Variants in CACNG2 observed in about 807,000 individuals in gnomAD.
CACNG2 encodes the protein voltage-dependent calcium channel gamma-2 subunit.
CACNG2 carries 3 observed loss-of-function variants against 25.9 expected under a neutral mutation model. That is an observed-to-expected ratio of 0.12 (90% CI 0.05 to 0.30). The LOEUF is 0.30. CACNG2 is among the 10% of genes least tolerant of loss of function. The pLI is 1.00. For synonymous variants in CACNG2, 167 were observed against 173.3 expected, an observed-to-expected ratio of 0.96 and a Z score of 0.29; for missense variants, 341 against 432.5, an observed-to-expected ratio of 0.79 and a Z score of 1.88.
rs1305952182 is a variant in CACNG2, at chr22:36,606,560, C to A, written c.212-19012G>T. On this transcript the variant is annotated intron_variant, in intron 1 of 3. Coordinates refer to ENST00000300105, the MANE Select transcript of CACNG2 (RefSeq NM_006078.5). The surrounding 1 kb of genome is among the most constrained non-coding windows in gnomAD (Gnocchi z 5.7). ...GACAGTGCATGGCATAATCTGGGTA[C>A]TGGCAGGTTGTCAGGAAGGCTTCCT... 6.6e-6 allele frequency among the ~76,000 whole-genome samples: 1 copy of A among 151,644 alleles called. No homozygotes were observed. The highest frequency in any genetic ancestry group is 1.5e-5 in the Non-Finnish European group (1 of 67,964).
At chr22:36,667,103 C>T (rs1936885786) in intron 1 of CACNG2, among the ~76,000 whole-genome samples, 1 of 151,982 alleles carries the variant, frequency 6.6e-6, no homozygotes, top group Non-Finnish European at 1.5e-5. Flanking sequence ...AATTCTCCTG[C>T]CTCAGCCTCC....
intron 1 of CACNG2, among the ~76,000 whole-genome samples, chr22:36,595,327 C>T (rs1382408993): frequency 6.6e-5 from 10 of 152,280 alleles, no homozygotes; most frequent in East Asian, 1.9e-4. Flanking sequence ...CGGGCCGGCT[C>T]GCCCCTGCTC....
intron 1 of CACNG2, among the ~76,000 whole-genome samples, chr22:36,658,174 A>G (rs1476604557): frequency 2.0e-5 from 3 of 152,204 alleles, no homozygotes; most frequent in African/African-American, 7.2e-5. Flanking sequence ...AAGACCTCAC[A>G]AAGCCACAGG....
At chr22:36,642,034 T>A (rs1261373955) in intron 1 of CACNG2, among the ~76,000 whole-genome samples, 1 of 152,118 alleles carries the variant, frequency 6.6e-6, no homozygotes, top group Non-Finnish European at 1.5e-5. Context: ...GAATTGCTGT[T>A]TATATGATCC....
Position 36,681,920 on chromosome 22 carries a change from A to T in CACNG2, c.211+20446T>A, listed in dbSNP as rs544411197. ...TAGATAATTACTCCCCCCACTCTCT[A>T]TTGGGTCCATTTCTGGTATGGCCAA... On this transcript the variant is annotated intron_variant, in intron 1 of 3. Coordinates refer to ENST00000300105, the MANE Select transcript of CACNG2 (RefSeq NM_006078.5). Among the ~76,000 whole-genome samples, 13 of 152,140 alleles carry T rather than the reference A, an allele frequency of 8.5e-5. No homozygotes were observed. The East Asian group carries it at 2.5e-3, about 29-fold the overall frequency.
At chr22:36,582,482 T>C (rs4821505) in intron 2 of CACNG2, among the ~76,000 whole-genome samples, 100,285 of 150,222 alleles carry the variant, frequency 0.67, 34,014 homozygotes, top group African/African-American at 0.78. Context: ...CTCAGCTCAC[T>C]GCAACCTCCA....
At chr22:36,700,043 A>C (rs1306317765) in intron 1 of CACNG2, among the ~76,000 whole-genome samples, 1 of 152,228 alleles carries the variant, frequency 6.6e-6, no homozygotes, top group Non-Finnish European at 1.5e-5. Context: ...GTGGAAAGGG[A>C]GTATCATCCC....
At chr22:36,576,303 A>C (rs1185748561) in intron 2 of CACNG2, among the ~76,000 whole-genome samples, 1 of 152,134 alleles carries the variant, frequency 6.6e-6, no homozygotes, top group African/African-American at 2.4e-5. Flanking sequence ...ATATGTTCTC[A>C]CTCATAAGTG....
At position 36,703,014 on chromosome 22, in the gene CACNG2, A is replaced by G. The variant is rs2146024952; in HGVS notation, c.-438T>C. The G allele has an allele frequency of 1.1e-5, 2 of 177,530 alleles. No individual in the cohort carries two copies. Among genetic ancestry groups the G allele is most frequent in the East Asian group, 3.3e-4 (2 of 6,040 alleles). 11.0% of individuals were successfully genotyped at this position (177,530 alleles called of 1,614,324 possible). ...AGCCGAATTCTCAACACCATTTCTC[A>G]TGGTCGGGACCTAGACAGTTAGAGA... On this transcript the variant is annotated 5_prime_UTR_variant, in exon 1 of 4. The change abolishes an upstream ATG in the 5' untranslated region. Coordinates refer to ENST00000300105, the MANE Select transcript of CACNG2 (RefSeq NM_006078.5).
At chr22:36,595,013 C>CT (rs200106316) in intron 1 of CACNG2, among the ~76,000 whole-genome samples, 1,446 of 138,198 alleles carry the variant, frequency 0.01, 17 homozygotes, top group African/African-American at 0.037. Context: ...GAGATGAAGT[C>CT]TGCATATGTG....
rs182196118 is a variant in CACNG2, at chr22:36,601,197, T to C, written c.212-13649A>G. On this transcript the variant is annotated intron_variant, in intron 1 of 3. Coordinates refer to ENST00000300105, the MANE Select transcript of CACNG2 (RefSeq NM_006078.5). ...CACTGTTTTATTCTCTATCTCTACA[T>C]ACTTGATATTTGACTTTTTTTTTTG... 3.2e-4 allele frequency among the ~76,000 whole-genome samples: 49 copies of C among 152,318 alleles called. No individual in the cohort carries two copies. The East Asian group carries it at 8.7e-3, about 27-fold the overall frequency.
At chr22:36,629,007 G>A (rs1936227874) in intron 1 of CACNG2, among the ~76,000 whole-genome samples, 1 of 152,070 alleles carries the variant, frequency 6.6e-6, no homozygotes, top group African/African-American at 2.4e-5. Context: ...ACTGACAACT[G>A]TCAAAACAGA....
intron 1 of CACNG2, among the ~76,000 whole-genome samples, chr22:36,657,002 G>A (rs1936716875): frequency 6.6e-6 from 1 of 152,168 alleles, no homozygotes. Flanking sequence ...TGTTTGCTCT[G>A]TCCATGATTG....
At chr22:36,626,045 G>C (rs1274068159) in intron 1 of CACNG2, among the ~76,000 whole-genome samples, 1 of 152,058 alleles carries the variant, frequency 6.6e-6, no homozygotes, top group Non-Finnish European at 1.5e-5. Context: ...TCAGCCTCCC[G>C]AGTAGATGGG....
chr22:36,609,258 G>T (rs955256701), intron 1 of CACNG2, among the ~76,000 whole-genome samples: 2 of 147,124 alleles, frequency 1.4e-5, no homozygotes, highest in African/African-American at 2.5e-5. Context: ...GAGTGTGATC[G>T]GGCAGGAATC....
chr22:36,564,344 G>T lies in CACNG2; in HGVS notation c.*7C>A. ...CTCCCGCGGTCTTCTGGCGAGGCCC[G>T]CGGTCTTTATACGGGGGTGGTCCGG... On this transcript the variant is annotated 3_prime_UTR_variant, in exon 4 of 4. Coordinates refer to ENST00000300105, the MANE Select transcript of CACNG2 (RefSeq NM_006078.5). This position sits in a 1 kb window ranked among gnomAD's most constrained non-coding sequence, Gnocchi z 6.7. 6.2e-7 allele frequency: 1 copy of T among 1,604,658 alleles called. No individual in the cohort carries two copies. Among genetic ancestry groups the T allele is most frequent in the South Asian group, 1.1e-5 (1 of 90,550 alleles).
At chr22:36,655,396 C>A (rs1936687657) in intron 1 of CACNG2, among the ~76,000 whole-genome samples, 1 of 152,190 alleles carries the variant, frequency 6.6e-6, no homozygotes, top group East Asian at 1.9e-4. Context: ...AATTAGCTAG[C>A]TTGTTGATGT....
intron 1 of CACNG2, among the ~76,000 whole-genome samples, chr22:36,625,502 ACT>A (rs1936171130): frequency 6.6e-6 from 1 of 151,970 alleles, no homozygotes; most frequent in Non-Finnish European, 1.5e-5. Flanking sequence ...ACCCTCACAA[ACT>A]CTGTGTTCAG....
intron 1 of CACNG2, among the ~76,000 whole-genome samples, chr22:36,688,767 C>T (rs1256697062): frequency 6.6e-6 from 1 of 152,148 alleles, no homozygotes; most frequent in Non-Finnish European, 1.5e-5. Flanking sequence ...TGAAGCCTTG[C>T]TTCTCAAACT....
Sources: gnomAD v4.1 joint callset for allele counts (sites outside exome capture counted in the v4.1 genomes callset) on GRCh38, gnomAD v4.1.1 for gene constraint, Gnocchi (gnomAD v3.1) non-coding constraint, MANE v1.5 for transcripts, NCBI Gene and HGNC (gene_info 2026-07-23, HGNC 2026-07-21) for gene names.